Variants in CPAP observed in about 807,000 individuals in gnomAD.
The protein encoded by CPAP is centrosomal P4.1-associated protein.
the CPAP span, chr13:24,912,473 G>T: frequency 1.1e-6 from 1 of 921,628 alleles, no homozygotes; most frequent in Non-Finnish European, 1.7e-6. Context: ...GTATTCTGAG[G>T]ATTTCAGAGT....
the CPAP span, among the ~76,000 whole-genome samples, chr13:24,930,207 A>G: frequency 6.6e-6 from 1 of 152,074 alleles, no homozygotes; most frequent in South Asian, 2.1e-4. Flanking sequence ...GCTTCATGCT[A>G]TTGTACTTTT....
At chr13:24,926,922 T>A in the CPAP span, among the ~76,000 whole-genome samples, 1 of 152,166 alleles carries the variant, frequency 6.6e-6, no homozygotes, top group Non-Finnish European at 1.5e-5. Flanking sequence ...ATGGGACAGG[T>A]CAGTGCTAGC....
the CPAP span, chr13:24,884,092 AAAGTT>A: frequency 8.3e-6 from 13 of 1,568,942 alleles, no homozygotes; most frequent in Non-Finnish European, 1.0e-5. Context: ...TTCTGTTTAA[AAAGTT>A]GTTACAGTAA....
the CPAP span, among the ~76,000 whole-genome samples, chr13:24,910,800 T>G: frequency 1.3e-5 from 2 of 152,218 alleles, no homozygotes; most frequent in African/African-American, 4.8e-5. Context: ...TTGTATGTAT[T>G]CCATAAAGAA....
chr13:24,932,037 C>T, the CPAP span, among the ~76,000 whole-genome samples: 8 of 152,252 alleles, frequency 5.3e-5, no homozygotes, highest in South Asian at 2.1e-4. Context: ...CTTCTGGCGA[C>T]GGTCCCTGCT....
At chr13:24,909,763 C>T in the CPAP span, 1 of 1,596,238 alleles carries the variant, frequency 6.3e-7, no homozygotes, top group Admixed American at 1.7e-5. Flanking sequence ...ACTATAAGCA[C>T]AGAAGAGAGA....
chr13:24,906,754 AT>A, the CPAP span: 1 of 1,613,946 alleles, frequency 6.2e-7, no homozygotes, highest in East Asian at 2.2e-5. Context: ...ACAGCTCTTT[AT>A]TTTTAAGAGC....
the CPAP span, among the ~76,000 whole-genome samples, chr13:24,886,601 A>AGAT: frequency 6.6e-6 from 1 of 152,212 alleles, no homozygotes; most frequent in African/African-American, 2.4e-5. Context: ...GCAAAGGGGC[A>AGAT]GATGGCAGAC....
At chr13:24,906,415 G>A in the CPAP span, 239 of 1,613,590 alleles carry the variant, frequency 1.5e-4, no homozygotes, top group Non-Finnish European at 1.9e-4. Context: ...TCTCCCTTAT[G>A]GGGCTCTTAG....
chr13:24,893,344 A>G, the CPAP span, among the ~76,000 whole-genome samples: 5 of 152,394 alleles, frequency 3.3e-5, no homozygotes, highest in African/African-American at 1.2e-4. Flanking sequence ...GTTGTTTTAG[A>G]AAGACTAAAA....
chr13:24,919,098 T>C, the CPAP span, among the ~76,000 whole-genome samples: 3 of 152,190 alleles, frequency 2.0e-5, no homozygotes, highest in East Asian at 3.9e-4. Flanking sequence ...AGGAGGTAAA[T>C]AGGTTATCTG....
the CPAP span, among the ~76,000 whole-genome samples, chr13:24,921,918 T>A: frequency 7.2e-5 from 11 of 152,108 alleles, no homozygotes; most frequent in Non-Finnish European, 4.4e-5. Context: ...AAAAAAAGCG[T>A]CACCAGAACC....
the CPAP span, among the ~76,000 whole-genome samples, chr13:24,929,504 C>T: frequency 2.0e-5 from 3 of 152,156 alleles, no homozygotes; most frequent in East Asian, 3.9e-4. Context: ...ATGGAAGGTC[C>T]TTTGTATGTA....
the CPAP span, among the ~76,000 whole-genome samples, chr13:24,933,927 T>C: frequency 6.6e-6 from 1 of 151,656 alleles, no homozygotes; most frequent in African/African-American, 2.4e-5. Context: ...ATTTTTGCCA[T>C]GTTGGCCAGG....
chr13:24,893,120 C>T, the CPAP span, among the ~76,000 whole-genome samples: 1 of 152,072 alleles, frequency 6.6e-6, no homozygotes. Context: ...TGGGAGCTGA[C>T]AGCAGAAAAC....
the CPAP span, chr13:24,903,838 T>C: frequency 5.8e-6 from 8 of 1,367,808 alleles, no homozygotes; most frequent in Non-Finnish European, 8.4e-6. Context: ...TTTGACTGAT[T>C]TAAATTGTTT....
the CPAP span, chr13:24,889,357 G>C: frequency 6.2e-7 from 1 of 1,612,068 alleles, no homozygotes; most frequent in Non-Finnish European, 8.5e-7. Context: ...TTCTACCTGG[G>C]TTCCTGAAGA....
At chr13:24,929,580 T>C in the CPAP span, among the ~76,000 whole-genome samples, 1 of 152,370 alleles carries the variant, frequency 6.6e-6, no homozygotes, top group Non-Finnish European at 1.5e-5. Context: ...TTGATTATAA[T>C]ATAATGCTAT....
chr13:24,929,664 A>T, the CPAP span, among the ~76,000 whole-genome samples: 1 of 152,200 alleles, frequency 6.6e-6, no homozygotes, highest in South Asian at 2.1e-4. Flanking sequence ...TCTTTTATCA[A>T]ATTGGGACTT....
Sources: gnomAD v4.1 joint callset for allele counts (sites outside exome capture counted in the v4.1 genomes callset) on GRCh38, gnomAD v4.1.1 for gene constraint, MANE v1.5 for transcripts, NCBI Gene and HGNC (gene_info 2026-07-23, HGNC 2026-07-21) for gene names.